GJB6: variants seen among roughly 807,000 people sequenced by gnomAD.
GJB6 encodes the protein gap junction beta-6 protein.
GJB6 carries 5 observed loss-of-function variants against 5.4 expected under a neutral mutation model. The observed-to-expected ratio is 0.92, with a 90% CI of 0.48 to 1.93. The LOEUF (loss-of-function observed/expected upper bound fraction) is 1.93, where lower values mean the gene tolerates loss of function less well. GJB6 is among the 30% of genes most tolerant of loss of function. The pLI is 0.01. For synonymous variants in GJB6, 136 were observed against 129.6 expected, an observed-to-expected ratio of 1.05 and a Z score of -0.34; for missense variants, 298 against 326.9, an observed-to-expected ratio of 0.91 and a Z score of 0.68.
chr13:20,223,947 T>C (rs903511374), intron 4 of GJB6, among the ~76,000 whole-genome samples: 2 of 151,788 alleles, frequency 1.3e-5, no homozygotes, highest in African/African-American at 4.8e-5. Context: ...CCAGCCTGGG[T>C]GACAGAGCGA....
At chr13:20,229,184 T>G (rs1869880705) in intron 4 of GJB6, among the ~76,000 whole-genome samples, 1 of 138,218 alleles carries the variant, frequency 7.2e-6, no homozygotes, top group Admixed American at 7.4e-5. Context: ...AGTCTTGCCC[T>G]GTTGCCCAGG....
rs1057151620 is a variant in GJB6, at chr13:20,228,622, C to T, written c.-16+958G>A. ...CCTCAGCCTCTCTGAGCAGCTGGGACTACAGGCGCCTGCCACCAAGCCCGG... is the reference window on the plus strand; with the variant it reads ...CCTCAGCCTCTCTGAGCAGCTGGGATTACAGGCGCCTGCCACCAAGCCCGG... On this transcript the variant is annotated intron_variant, in intron 4 of 4. Coordinates refer to ENST00000647029, the MANE Select transcript of GJB6 (RefSeq NM_001110219.3). 1.0e-4 allele frequency among the ~76,000 whole-genome samples: 15 copies of T among 150,566 alleles called. No individual in the cohort carries two copies. The South Asian group carries it at 1.0e-3, about 11-fold the overall frequency.
chr13:20,223,589 A>C, intron 4 of GJB6, 94 bp from the exon 5 acceptor site: 1 of 980,476 alleles, frequency 1.0e-6, no homozygotes, highest in Non-Finnish European at 1.6e-6. Flanking sequence ...CTTTATTTTA[A>C]GGTAGGCTGT....
chr13:20,228,528 A>G (rs181863399), intron 4 of GJB6, among the ~76,000 whole-genome samples: 1,864 of 151,150 alleles, frequency 0.012, 18 homozygotes, highest in Admixed American at 0.016. Context: ...CTGTTGCCCA[A>G]GCTGGAGTAC....
chr13:20,223,555 G>A (rs141293990), intron 4 of GJB6, 60 bp from the exon 5 acceptor site: 42 of 1,335,268 alleles, frequency 3.1e-5, no homozygotes, highest in Middle Eastern at 1.9e-4. Context: ...AAAGTGACAC[G>A]GTGATATTAC....
At position 20,227,686 on chromosome 13, in the gene GJB6, A is replaced by G. The variant is rs116511366; in HGVS notation, c.-16+1894T>C. On this transcript the variant is annotated intron_variant, in intron 4 of 4. Transcript: ENST00000647029. ...ATCTGCCGTGCGTATCATTCTCTGC[A>G]GGCCAACAGCCAGGGAGAAGAGAGC... is the stretch of plus-strand genomic sequence containing the variant. Among the ~76,000 whole-genome samples, 1,352 of 152,300 alleles carry G rather than the reference A, an allele frequency of 8.9e-3. 25 individuals are homozygous for G. The highest frequency in any genetic ancestry group is 0.031 in the African/African-American group (1,296 of 41,560).
chr13:20,229,150 A>AAAAAAATATT (rs1869874003), intron 4 of GJB6, among the ~76,000 whole-genome samples: 1 of 62,160 alleles, frequency 1.6e-5, no homozygotes, highest in African/African-American at 8.0e-5. Context: ...AAAAAAAAAA[A>AAAAAAATATT]TTTTTTTTTT....
chr13:20,228,552 C>G (rs368194669), intron 4 of GJB6, among the ~76,000 whole-genome samples: 1 of 151,320 alleles, frequency 6.6e-6, no homozygotes, highest in East Asian at 1.9e-4. Context: ...GGCACGATCT[C>G]GGCTCACTGC....
At position 20,228,697 on chromosome 13, in the gene GJB6, G is replaced by A. The variant is rs143605610; in HGVS notation, c.-16+883C>T. On this transcript the variant is annotated intron_variant, in intron 4 of 4. Transcript: ENST00000647029. ...GACGGGGTTTCACCGTGTTAGCCAG[G>A]ATGGTCTCGATCTCCTGACCTCATG... Among the ~76,000 whole-genome samples, 342 of 36,282 alleles carry A rather than the reference G, an allele frequency of 9.4e-3. 6 individuals are homozygous for A. Among genetic ancestry groups the A allele is most frequent in the South Asian group, 0.066 (11 of 166 alleles). The allele number at this position is 36,282 out of a possible 152,430, so 23.8% of individuals were successfully genotyped here.
chr13:20,224,988 T>C (rs1593365076), intron 4 of GJB6, among the ~76,000 whole-genome samples: 2 of 152,180 alleles, frequency 1.3e-5, no homozygotes, highest in African/African-American at 2.4e-5. Flanking sequence ...GTGGGGTAAA[T>C]GGAGGCAGCC....
chr13:20,228,716 C>G (rs12870715), intron 4 of GJB6, among the ~76,000 whole-genome samples: 1 of 150,850 alleles, frequency 6.6e-6, no homozygotes, highest in Non-Finnish European at 1.5e-5. Context: ...GATCTCCTGA[C>G]CTCATGATCC....
chr13:20,229,363 T>C lies in GJB6; in HGVS notation c.-16+217A>G, dbSNP rs1869908308. ...TTTTTTTTTAGTAGTGACAGGGTTTTGCCACCTTGGTCAGGCTGGTCTTGA... is the reference window on the plus strand; with the variant it reads ...TTTTTTTTTAGTAGTGACAGGGTTTCGCCACCTTGGTCAGGCTGGTCTTGA... On this transcript the variant is annotated intron_variant, in intron 4 of 4. Transcript: ENST00000647029. Among the ~76,000 whole-genome samples, 4 of 138,554 alleles carry C rather than the reference T, an allele frequency of 2.9e-5. No individual in the cohort carries two copies. The Admixed American group carries it at 3.0e-4, about 10-fold the overall frequency. The allele number at this position is 138,554 out of a possible 152,430, so 90.9% of individuals were successfully genotyped here.
Position 20,227,928 on chromosome 13 carries a change from T to G in GJB6, c.-16+1652A>C, listed in dbSNP as rs116026305. Reference sequence around the variant, plus strand: ...CCACTGACTGCTCCTGTCCTGACTTTGGTGGGTGGACAGGGTGGGTGGACA... The same window carrying G: ...CCACTGACTGCTCCTGTCCTGACTTGGGTGGGTGGACAGGGTGGGTGGACA... On this transcript the variant is annotated intron_variant, in intron 4 of 4. Transcript: ENST00000647029. Among the ~76,000 whole-genome samples, 1,006 of 152,202 alleles carry G rather than the reference T, an allele frequency of 6.6e-3. 13 individuals carry two copies. Among genetic ancestry groups the G allele is most frequent in the African/African-American group, 0.022 (933 of 41,536 alleles).
Position 20,223,451 on chromosome 13 carries a change from G to A in GJB6, c.30C>T (p.Ile10=), listed in dbSNP as rs377181573. 4.6e-5 allele frequency: 74 copies of A among 1,614,046 alleles called. No homozygotes were observed. The highest frequency in any genetic ancestry group is 3.3e-5 in the Admixed American group (2 of 60,016). ...TGGTGGAGTGTTTGTTGACACCCCC[G>A]ATGAAAGTGTGCAGCGTCCCCCAAT... MDWGTLHTF[I]GGVNKHSTSI... is the part of the protein sequence containing the mutation. Residue 10 remains isoleucine (I), a synonymous_variant, in exon 5 of 5, where the codon ATC becomes ATT. Coordinates refer to ENST00000647029, the MANE Select transcript of GJB6 (RefSeq NM_001110219.3).
At chr13:20,231,124 T>C (rs1315993889) in intron 2 of GJB6, 1 of 152,266 alleles carries the variant, frequency 6.6e-6, no homozygotes, top group Non-Finnish European at 1.5e-5. Context: ...CCTGCAATTC[T>C]AAGGAGACTG....
rs747371119 is a variant in GJB6 at position 20,222,739 on chromosome 13, T to C, written c.742A>G (p.Ile248Val). The change falls in exon 5 of 5, where the codon ATT becomes GTT. Residue 248 changes from isoleucine to valine, a missense_variant. By Grantham distance (29) the Ile-to-Val change is conservative. Transcript: ENST00000647029. ...ATTGCATTTTGACCACTATCTGAAA[T>C]CAGCTCATTCATTTCATTCTGCTTA... ...ESKQNEMNEL[I>V]SDSGQNAITG... 6.2e-7 allele frequency: 1 copy of C among 1,614,168 alleles called. No homozygotes were observed. Among genetic ancestry groups the C allele is most frequent in the East Asian group, 2.2e-5 (1 of 44,890 alleles).
chr13:20,223,092 C>A lies in GJB6; in HGVS notation c.389G>T (p.Gly130Val), dbSNP rs1382085021. 6.2e-7 allele frequency: 1 copy of A among 1,613,882 alleles called. No homozygotes were observed. The highest frequency in any genetic ancestry group is 1.7e-5 in the Admixed American group (1 of 60,018). The part of the protein sequence containing the change: ...DIKKQKVRIE[G>V]SLWWTYTSSI... ...GCTGGTGTACGTCCACCACAGCGAC[C>A]CCTCTATCCGAACCTTCTGCTTTTT... The change falls in exon 5 of 5, where the codon GGG (glycine) becomes GTG (valine). Residue 130 changes from glycine (G) to valine (V), a missense_variant. Physicochemically the swap from Gly to Val is moderately radical, Grantham distance 109. Coordinates refer to ENST00000647029, the MANE Select transcript of GJB6 (RefSeq NM_001110219.3).
rs756597598 is a variant in GJB6, at chr13:20,222,809, T to C, written c.672A>G (p.Arg224=). The part of the protein sequence containing the change: ...LLKVCFRRSK[R]AQTQKNHPNH... ...TGGGGTGATTTTTTTGCGTCTGTGC[T>C]CTCTTTGATCTCCTAAAACACACTT... Residue 224 remains arginine (R), a synonymous_variant, in exon 5 of 5, where the codon AGA becomes AGG. Transcript: ENST00000647029. 5.1e-5 allele frequency: 82 copies of C among 1,614,002 alleles called. No individual in the cohort carries two copies. The Admixed American group carries it at 5.5e-4, about 11-fold the overall frequency.
chr13:20,222,887 C>T lies in GJB6; in HGVS notation c.594G>A (p.Ala198=), dbSNP rs763870146. ...KTVFTIFMIS[A]SVICMLLNVA... ...CGTTAAGCAGCATGCAAATCACAGA[C>T]GCAGAAATCATAAAAATGGTAAACA... Residue 198 remains alanine (A), a synonymous_variant, in exon 5 of 5, where the codon GCG becomes GCA. Coordinates refer to ENST00000647029, the MANE Select transcript of GJB6 (RefSeq NM_001110219.3). 111 of 1,613,938 alleles carry T rather than the reference C, an allele frequency of 6.9e-5. 1 individual carries two copies. The highest frequency in any genetic ancestry group is 1.6e-4 in the Middle Eastern group (1 of 6,084).
Sources: gnomAD v4.1 joint callset for allele counts (sites outside exome capture counted in the v4.1 genomes callset) on GRCh38, gnomAD v4.1.1 for gene constraint, MANE v1.5 for transcripts, NCBI Gene and HGNC (gene_info 2026-07-23, HGNC 2026-07-21) for gene names.